The following CCDC171 variants were observed in gnomAD, a reference collection of about 807,000 sequenced individuals.
CCDC171 encodes coiled-coil domain containing 171, also known as coiled-coil domain-containing protein 171.
CCDC171 carries 177 observed loss-of-function variants against 168.2 expected under a neutral mutation model. That is an observed-to-expected ratio of 1.05 (90% CI 0.93 to 1.19). The LOEUF is 1.19. Ranked by LOEUF, CCDC171 falls within the 50% of genes most tolerant of loss-of-function variation. The pLI is 0.00. For synonymous variants in CCDC171, 687 were observed against 540.8 expected, an observed-to-expected ratio of 1.27 and a Z score of -3.75; for missense variants, 1,991 against 1,539.0, an observed-to-expected ratio of 1.29 and a Z score of -4.91.
At chr9:15,606,008 C>T (rs1190519860) in intron 6 of CCDC171, among the ~76,000 whole-genome samples, 1 of 152,118 alleles carries the variant, frequency 6.6e-6, no homozygotes, top group Non-Finnish European at 1.5e-5. Context: ...TTTTTCTATA[C>T]ACACACATAC....
At chr9:15,664,567 T>TACACATACACACACAC (rs2048576749) in intron 8 of CCDC171, among the ~76,000 whole-genome samples, 1 of 143,998 alleles carries the variant, frequency 6.9e-6, no homozygotes, top group African/African-American at 2.6e-5. Context: ...CTTAAATTTA[T>TACACATACACACACAC]ACACACACAC....
At chr9:15,703,149 G>A (rs2051904936) in intron 11 of CCDC171, among the ~76,000 whole-genome samples, 2 of 152,102 alleles carry the variant, frequency 1.3e-5, no homozygotes, top group African/African-American at 4.8e-5. Flanking sequence ...TAAGCGGTCT[G>A]CCCGCCTTGG....
At chr9:15,912,390 AT>A (rs1823807834) in intron 24 of CCDC171, among the ~76,000 whole-genome samples, 1 of 152,076 alleles carries the variant, frequency 6.6e-6, no homozygotes, top group East Asian at 1.9e-4. Context: ...ATTTTTGCAC[AT>A]TGTTTTTGTA....
At position 16,002,941 on chromosome 9, in the gene CCDC171, GTAGATGGC is replaced by G. The variant is rs565693930; in HGVS notation, n.369-17645_369-17638del. Among the ~76,000 whole-genome samples the G allele has an allele frequency of 4.9e-4, 74 of 152,336 alleles. 1 individual carries two copies. Among genetic ancestry groups the G allele is most frequent in the South Asian group, 2.1e-3 (10 of 4,824 alleles). ...GTAGGCTACACTACATAGCCTAGAT[GTAGATGGC>G]TATACCGTCTAGGTTTGTGTCTGTA... On this transcript the variant is annotated intron_variant and non_coding_transcript_variant, in intron 3 of 9. Transcript: ENST00000486641.
Position 15,623,348 on chromosome 9 carries a change from C to G in CCDC171, c.757C>G (p.Arg253Gly), listed in dbSNP as rs750664166. The G allele has an allele frequency of 6.2e-7, 1 of 1,611,568 alleles. No homozygotes were observed. The highest frequency in any genetic ancestry group is 2.2e-5 in the East Asian group (1 of 44,822). ...TEHMDCSDLL[R>G]RQTSELEFST... ...ACATATGGACTGCTCTGACCTTTTACGGCGACAAACAAGTGAACTTGAATT... is the reference window on the plus strand; with the variant it reads ...ACATATGGACTGCTCTGACCTTTTAGGGCGACAAACAAGTGAACTTGAATT... Residue 253 changes from arginine to glycine, a missense_variant, in exon 7 of 26, where the codon CGG (arginine) becomes GGG (glycine). By Grantham distance (125) the Arg-to-Gly change is moderately radical (BLOSUM62 -2). Coordinates refer to ENST00000380701, the MANE Select transcript of CCDC171 (RefSeq NM_173550.4).
chr9:15,614,372 A>G (rs276436), intron 6 of CCDC171, among the ~76,000 whole-genome samples: 2 of 151,924 alleles, frequency 1.3e-5, no homozygotes, highest in African/African-American at 4.8e-5. Flanking sequence ...TTTTTGAAGC[A>G]ATCAGGAGCT....
the CCDC171 span, among the ~76,000 whole-genome samples, chr9:16,088,721 C>G: frequency 1.3e-5 from 2 of 152,110 alleles, no homozygotes; most frequent in East Asian, 3.9e-4. Context: ...AGGATACAAA[C>G]AAATGGAAAA....
At chr9:15,677,837 C>CTGTGTG (rs774482581) in intron 9 of CCDC171, among the ~76,000 whole-genome samples, 1 of 80,696 alleles carries the variant, frequency 1.2e-5, no homozygotes, top group East Asian at 4.5e-4. Context: ...ACACAAATGG[C>CTGTGTG]TGTGTGTGTG....
intron 3 of CCDC171, among the ~76,000 whole-genome samples, chr9:16,011,210 A>T (rs1832859714): frequency 6.6e-6 from 1 of 152,062 alleles, no homozygotes; most frequent in Non-Finnish European, 1.5e-5. Flanking sequence ...GACCTTGAGG[A>T]TGCTAAAATG....
At chr9:15,984,943 G>A (rs749958417) in intron 3 of CCDC171, among the ~76,000 whole-genome samples, 1 of 152,016 alleles carries the variant, frequency 6.6e-6, no homozygotes, top group African/African-American at 2.4e-5. Context: ...CTATATGAAA[G>A]TTTTGATGTA....
chr9:15,860,627 T>C (rs1488198058), intron 23 of CCDC171, among the ~76,000 whole-genome samples: 2 of 152,058 alleles, frequency 1.3e-5, no homozygotes, highest in Non-Finnish European at 2.9e-5. Flanking sequence ...CTTGGTATGA[T>C]TTTAATATTC....
intron 4 of CCDC171, among the ~76,000 whole-genome samples, chr9:16,021,213 G>A (rs1371834074): frequency 6.6e-6 from 1 of 152,054 alleles, no homozygotes; most frequent in Non-Finnish European, 1.5e-5. Flanking sequence ...TCAGCCTCCC[G>A]AGTAGCTGGG....
At position 15,648,982 on chromosome 9, in the gene CCDC171, A is replaced by T. The variant is rs1004861604; in HGVS notation, c.823-8145A>T. ...AGAACAAAGCTAGAGGCATCATGCT[A>T]CCTGACTTCAAACTATACTACAAGG... is the stretch of plus-strand genomic sequence containing the variant. On this transcript the variant is annotated intron_variant, in intron 7 of 25. Transcript: ENST00000380701. Among the ~76,000 whole-genome samples the T allele has an allele frequency of 4.6e-5, 7 of 152,320 alleles. No individual in the cohort carries two copies. In the East Asian group the frequency reaches 9.7e-4, roughly 21 times the overall value.
At chr9:15,910,222 A>C (rs1374431548) in intron 24 of CCDC171, among the ~76,000 whole-genome samples, 2 of 151,788 alleles carry the variant, frequency 1.3e-5, no homozygotes, top group African/African-American at 2.4e-5. Context: ...TTATCCAATC[A>C]TCTGTTGACG....
At chr9:15,681,292 G>A (rs1022748632) in intron 10 of CCDC171, among the ~76,000 whole-genome samples, 1 of 152,086 alleles carries the variant, frequency 6.6e-6, no homozygotes, top group Non-Finnish European at 1.5e-5. Flanking sequence ...GTTCCTTGCC[G>A]AATGGGATGT....
intron 14 of CCDC171, among the ~76,000 whole-genome samples, chr9:15,726,989 A>G (rs562825512): frequency 6.6e-6 from 1 of 152,198 alleles, no homozygotes; most frequent in Non-Finnish European, 1.5e-5. Flanking sequence ...TCATGTGTTC[A>G]AATGTGATCT....
At chr9:15,724,137 C>T (rs1192637124) in intron 13 of CCDC171, among the ~76,000 whole-genome samples, 3 of 152,158 alleles carry the variant, frequency 2.0e-5, no homozygotes, top group Non-Finnish European at 4.4e-5. Context: ...TACATCATGT[C>T]TGTTAATGGG....
intron 3 of CCDC171, among the ~76,000 whole-genome samples, chr9:16,017,906 A>G (rs1192655053): frequency 6.6e-6 from 1 of 152,208 alleles, no homozygotes; most frequent in Non-Finnish European, 1.5e-5. Flanking sequence ...CTGCCTCATG[A>G]AGCCATCACA....
At chr9:15,865,390 G>GTGTGTT (rs914953592) in intron 23 of CCDC171, among the ~76,000 whole-genome samples, 1 of 151,590 alleles carries the variant, frequency 6.6e-6, no homozygotes, top group Non-Finnish European at 1.5e-5. Flanking sequence ...ATATTTGTGT[G>GTGTGTT]TGTGTGTATG....
Sources: gnomAD v4.1 joint callset for allele counts (sites outside exome capture counted in the v4.1 genomes callset) on GRCh38, gnomAD v4.1.1 for gene constraint, MANE v1.5 for transcripts, NCBI Gene and HGNC (gene_info 2026-07-23, HGNC 2026-07-21) for gene names.